Variants in UBE2E1 observed in about 807,000 individuals in gnomAD.
The protein encoded by UBE2E1 is ubiquitin-conjugating enzyme E2 E1.
Under a neutral mutation model 21.4 loss-of-function variants are expected in UBE2E1, and 6 were observed. The ratio of observed to expected loss-of-function variants is 0.28; its 90% confidence interval spans 0.15 to 0.55. The LOEUF (loss-of-function observed/expected upper bound fraction) is 0.55. Among genes scored for constraint, UBE2E1 ranks in the 20% least tolerant of loss-of-function variants. UBE2E1 has a pLI of 0.93. For missense variants in UBE2E1, 142 were observed against 236.5 expected (o/e 0.60, Z 2.62); for synonymous variants, 87 against 82.7 (o/e 1.05, Z -0.28).
chr3:23,889,537 T>TTC, intron 5 of UBE2E1: 1 of 1,386,648 alleles, frequency 7.2e-7, no homozygotes, highest in Non-Finnish European at 9.3e-7. Flanking sequence ...CCTTTTTTTT[T>TTC]CCTGTTGCTT....
rs760518877 is a variant in UBE2E1 at position 23,807,352 on chromosome 3, C to A, written c.83C>A (p.Thr28Asn). Residue 28 changes from threonine (T) to asparagine (N), a missense_variant, in exon 2 of 6, where the codon ACC becomes AAC. This residue lies in a region of UBE2E1 where 55 missense variants were observed against 51.5 expected (regional missense o/e 1.07). Coordinates refer to ENST00000306627, the MANE Select transcript of UBE2E1 (RefSeq NM_003341.5). ...CAGCAAACCGAGAAAGAAACAAACACCCCCAAGAAGAAGGAGAGTAAAGTC... is the reference window on the plus strand; with the variant it reads ...CAGCAAACCGAGAAAGAAACAAACAACCCCAAGAAGAAGGAGAGTAAAGTC... Reference protein sequence around the residue: ...SNQQTEKETNTPKKKESKVSM... With the variant: ...SNQQTEKETNNPKKKESKVSM... The A allele has an allele frequency of 3.1e-6, 5 of 1,613,870 alleles. No individual in the cohort carries two copies. The African/African-American group carries it at 6.7e-5, about 22-fold the overall frequency.
chr3:23,880,488 G>A (rs1052241491), intron 3 of UBE2E1, among the ~76,000 whole-genome samples: 1 of 152,336 alleles, frequency 6.6e-6, no homozygotes, highest in African/African-American at 2.4e-5. Flanking sequence ...AATCACTTGA[G>A]CCCAGGAAGT....
At chr3:23,829,956 C>T (rs1192989375) in intron 3 of UBE2E1, among the ~76,000 whole-genome samples, 1 of 151,950 alleles carries the variant, frequency 6.6e-6, no homozygotes, top group Admixed American at 6.6e-5. Context: ...TATGGGTATG[C>T]CACATGTTTC....
chr3:23,807,191 G>T, intron 1 of UBE2E1, 46 bp from the exon 2 acceptor site: 1 of 1,486,520 alleles, frequency 6.7e-7, no homozygotes. Context: ...TATTTACACT[G>T]GCTGCATGGT....
chr3:23,886,547 C>G (rs1220603241), intron 3 of UBE2E1, among the ~76,000 whole-genome samples: 1 of 152,220 alleles, frequency 6.6e-6, no homozygotes, highest in Non-Finnish European at 1.5e-5. Context: ...ATTCCCCTAA[C>G]CTGTTGCATC....
intron 3 of UBE2E1, among the ~76,000 whole-genome samples, chr3:23,884,453 A>G (rs1022215197): frequency 2.0e-5 from 3 of 152,166 alleles, no homozygotes; most frequent in Non-Finnish European, 4.4e-5. Context: ...GATATTCTCA[A>G]TCATCGGGCC....
chr3:23,869,419 CTG>C (rs4024641), intron 3 of UBE2E1, among the ~76,000 whole-genome samples: 38 of 132,524 alleles, frequency 2.9e-4, no homozygotes, highest in Middle Eastern at 3.7e-3. Context: ...TGGTCTTTTC[CTG>C]TGTGTGTGTG....
chr3:23,882,811 C>A (rs997935919), intron 3 of UBE2E1, among the ~76,000 whole-genome samples: 2 of 152,218 alleles, frequency 1.3e-5, no homozygotes, highest in Admixed American at 1.3e-4. Context: ...GGGCCAGTGG[C>A]GCCGGCCGGC....
rs1236669796 is a variant in UBE2E1 at position 23,870,069 on chromosome 3, C to T, written c.204-17498C>T. ...TCATGTGAAGCCTTCCTCACTTTTA[C>T]ATGTCTGGTTTTCCACCTGGGCTGG... On this transcript the variant is annotated intron_variant, in intron 3 of 5. Transcript: ENST00000306627. This position sits in a 1 kb window ranked among gnomAD's most constrained non-coding sequence, Gnocchi z 4.2. Among the ~76,000 whole-genome samples, 2 of 152,130 alleles carry T rather than the reference C, an allele frequency of 1.3e-5. No homozygotes were observed. The highest frequency in any genetic ancestry group is 6.5e-5 in the Admixed American group (1 of 15,280).
chr3:23,853,744 A>T lies in UBE2E1; in HGVS notation c.204-33823A>T, dbSNP rs1700376679. On this transcript the variant is annotated intron_variant, in intron 3 of 5. Coordinates refer to ENST00000306627, the MANE Select transcript of UBE2E1 (RefSeq NM_003341.5). The surrounding 1 kb of genome is among the most constrained non-coding windows in gnomAD (Gnocchi z 4.1). ...TAGTCTTGCTTTGTACAGGTTTTGC[A>T]TTTGGTAGTCTGCCAGTGCTCAAAA... 6.6e-6 allele frequency among the ~76,000 whole-genome samples: 1 copy of T among 152,096 alleles called. No homozygotes were observed. Among genetic ancestry groups the T allele is most frequent in the Admixed American group, 6.5e-5 (1 of 15,268 alleles).
intron 3 of UBE2E1, among the ~76,000 whole-genome samples, chr3:23,830,149 A>T (rs780050886): frequency 3.4e-4 from 52 of 152,096 alleles, no homozygotes; most frequent in Non-Finnish European, 5.7e-4. Flanking sequence ...TAATTCTTAC[A>T]TGCATGTGCT....
intron 3 of UBE2E1, among the ~76,000 whole-genome samples, chr3:23,832,305 G>C (rs560832222): frequency 6.6e-6 from 1 of 152,306 alleles, no homozygotes; most frequent in South Asian, 2.1e-4. Flanking sequence ...TAAAGGAGAA[G>C]GGACTGTGTT....
intron 3 of UBE2E1, among the ~76,000 whole-genome samples, chr3:23,830,239 C>A (rs6765292): frequency 0.2 from 29,705 of 151,942 alleles, 3,131 homozygotes; most frequent in Non-Finnish European, 0.23. Context: ...TTTATAATAT[C>A]CCCTGACAAG....
chr3:23,875,576 G>C (rs1700897072), intron 3 of UBE2E1, among the ~76,000 whole-genome samples: 1 of 152,198 alleles, frequency 6.6e-6, no homozygotes, highest in East Asian at 1.9e-4. Context: ...CTTTATGCTA[G>C]AGGAAGACAG....
At chr3:23,833,514 T>C (rs538278824) in intron 3 of UBE2E1, among the ~76,000 whole-genome samples, 1 of 152,320 alleles carries the variant, frequency 6.6e-6, no homozygotes, top group East Asian at 1.9e-4. Context: ...GAACGCCACA[T>C]GAGAGTCTGA....
At chr3:23,831,411 C>G (rs1699863555) in intron 3 of UBE2E1, among the ~76,000 whole-genome samples, 1 of 152,026 alleles carries the variant, frequency 6.6e-6, no homozygotes, top group Non-Finnish European at 1.5e-5. Context: ...GTTAGTCTAA[C>G]TTGATTGAGT....
intron 3 of UBE2E1, among the ~76,000 whole-genome samples, chr3:23,884,326 C>T (rs1276788061): frequency 1.3e-5 from 2 of 152,146 alleles, no homozygotes; most frequent in Middle Eastern, 3.2e-3. Context: ...AACTTATGCT[C>T]CTAACTGGTT....
rs149727254 is a variant in UBE2E1, at chr3:23,861,716, C to T, written c.204-25851C>T. On this transcript the variant is annotated intron_variant, in intron 3 of 5. Transcript: ENST00000306627. ...GCACACTGGGATGCCAGCAGGCCATCGACTGGTGGAATGACACAAAGTTTG... is the reference window on the plus strand; with the variant it reads ...GCACACTGGGATGCCAGCAGGCCATTGACTGGTGGAATGACACAAAGTTTG... 2.2e-3 allele frequency among the ~76,000 whole-genome samples: 333 copies of T among 152,290 alleles called. 1 individual carries two copies. Among genetic ancestry groups the T allele is most frequent in the African/African-American group, 7.4e-3 (307 of 41,552 alleles).
At chr3:23,869,420 T>C (rs1490221608) in intron 3 of UBE2E1, among the ~76,000 whole-genome samples, 1 of 8,386 alleles carries the variant, frequency 1.2e-4, no homozygotes, top group African/African-American at 9.9e-4. Flanking sequence ...GGTCTTTTCC[T>C]GTGTGTGTGT....
Sources: allele counts gnomAD v4.1 joint callset (sites outside exome capture counted in the v4.1 genomes callset), GRCh38; gene constraint gnomAD v4.1.1; regional missense constraint gnomAD v4.1.1; non-coding constraint Gnocchi (gnomAD v3.1); transcripts MANE v1.5; gene names NCBI Gene and HGNC (gene_info 2026-07-23, HGNC 2026-07-21).